The following MYLK3 variants were observed in gnomAD, a reference collection of about 807,000 sequenced individuals.
MYLK3 encodes the protein myosin light chain kinase 3, also known as MLC kinase.
A neutral mutation model predicts 76.3 loss-of-function variants in MYLK3; 55 were observed. That is an observed-to-expected ratio of 0.72 (90% CI 0.58 to 0.90). MYLK3 has a LOEUF of 0.90. Among genes scored for constraint, MYLK3 ranks in the 40% least tolerant of loss-of-function variants. The pLI is 0.00. For missense variants in MYLK3, 973 were observed against 1,053.6 expected, an observed-to-expected ratio of 0.92 and a Z score of 1.06; for synonymous variants, 416 against 425.4, an observed-to-expected ratio of 0.98 and a Z score of 0.27.
intron 9 of MYLK3, among the ~76,000 whole-genome samples, chr16:46,713,600 C>T (rs1966707276): frequency 1.3e-5 from 2 of 152,194 alleles, no homozygotes; most frequent in South Asian, 2.1e-4. Flanking sequence ...GGTGAGAACA[C>T]TTAAAATCTA....
At chr16:46,756,634 T>C (rs780419145) in intron 1 of MYLK3, among the ~76,000 whole-genome samples, 13 of 152,202 alleles carry the variant, frequency 8.5e-5, no homozygotes, top group Non-Finnish European at 1.6e-4. Context: ...AAATCATATA[T>C]GATGACGATT....
Position 46,732,320 on chromosome 16 carries a change from G to A in MYLK3, c.1350C>T (p.Ser450=). Residue 450 remains serine (S), a synonymous_variant, in exon 4 of 13, where the codon AGC becomes AGT. Coordinates refer to ENST00000394809, the MANE Select transcript of MYLK3 (RefSeq NM_182493.3). ...CAGGCTCAGGGTTTCCCGCCCCTGGGCTTTTGCCCTGCTGCAGGCCCAGGG... is the reference window on the plus strand; with the variant it reads ...CAGGCTCAGGGTTTCCCGCCCCTGGACTTTTGCCCTGCTGCAGGCCCAGGG... ...VGALGLQQGK[S]PGAGNPEPEQ... 1 of 1,612,164 alleles carries A rather than the reference G, an allele frequency of 6.2e-7. No homozygotes were observed. The highest frequency in any genetic ancestry group is 8.5e-7 in the Non-Finnish European group (1 of 1,180,024).
chr16:46,753,454 C>T (rs1318686074), intron 1 of MYLK3, among the ~76,000 whole-genome samples: 1 of 152,218 alleles, frequency 6.6e-6, no homozygotes, highest in Non-Finnish European at 1.5e-5. Flanking sequence ...AAGCCTCAAC[C>T]ACCCACCCAG....
At chr16:46,707,825 G>T in intron 12 of MYLK3, 62 bp from the exon 13 acceptor site, 1 of 1,270,678 alleles carries the variant, frequency 7.9e-7, no homozygotes. Context: ...GTTGCCTTAT[G>T]AAGAAACAAT....
At chr16:46,713,953 C>T (rs936562167) in intron 9 of MYLK3, among the ~76,000 whole-genome samples, 1 of 152,178 alleles carries the variant, frequency 6.6e-6, no homozygotes, top group Admixed American at 6.5e-5. Flanking sequence ...CATATATACA[C>T]CCCAGATTTT....
At chr16:46,747,158 A>G (rs1429259598) in intron 1 of MYLK3, among the ~76,000 whole-genome samples, 1 of 152,148 alleles carries the variant, frequency 6.6e-6, no homozygotes, top group Non-Finnish European at 1.5e-5. Context: ...AACTCTTAGG[A>G]ACAGCCGCTC....
At chr16:46,713,987 G>A (rs1966711221) in intron 9 of MYLK3, among the ~76,000 whole-genome samples, 1 of 151,982 alleles carries the variant, frequency 6.6e-6, no homozygotes. Flanking sequence ...GACACTAGGT[G>A]GTAACTTTTA....
chr16:46,711,662 C>T, intron 10 of MYLK3: 1 of 441,564 alleles, frequency 2.3e-6, no homozygotes. Flanking sequence ...AGGCATGATC[C>T]AGCTCCATTT....
intron 3 of MYLK3, among the ~76,000 whole-genome samples, chr16:46,734,080 G>A (rs1429452747): frequency 6.6e-6 from 1 of 152,160 alleles, no homozygotes; most frequent in Non-Finnish European, 1.5e-5. Context: ...AGAATCCAAA[G>A]CAGGGTCTCC....
chr16:46,762,478 G>A (rs909218204), intron 1 of MYLK3, among the ~76,000 whole-genome samples: 5 of 152,122 alleles, frequency 3.3e-5, no homozygotes, highest in African/African-American at 7.2e-5. Flanking sequence ...ATAGACTCCC[G>A]CAGGACCCCA....
chr16:46,738,057 C>A lies in MYLK3; in HGVS notation c.655G>T (p.Ala219Ser), dbSNP rs1274237540. 1 of 1,608,116 alleles carries A rather than the reference C, an allele frequency of 6.2e-7. No homozygotes were observed. The highest frequency in any genetic ancestry group is 1.1e-5 in the South Asian group (1 of 90,726). The change falls in exon 3 of 13, where the codon GCA becomes TCA. Residue 219 changes from alanine to serine, a missense_variant. Ala to Ser is a moderately conservative substitution (Grantham distance 99). Coordinates refer to ENST00000394809, the MANE Select transcript of MYLK3 (RefSeq NM_182493.3). ...TCTCCCTGGCCCGGTGAGACCACTG[C>A]CTGGGCGGGGTCAGCTCCCAGCCCT... Reference protein sequence around the residue: ...ASGLGADPAQAVVSPGQGDGV... With the variant: ...ASGLGADPAQSVVSPGQGDGV...
intron 1 of MYLK3, among the ~76,000 whole-genome samples, chr16:46,745,302 C>A (rs969244041): frequency 6.6e-6 from 1 of 152,224 alleles, no homozygotes; most frequent in African/African-American, 2.4e-5. Context: ...AAACGAGGAT[C>A]TGGGCTGGTT....
intron 10 of MYLK3, among the ~76,000 whole-genome samples, 165 bp downstream of exon 10, chr16:46,712,483 C>T (rs1302237756): frequency 6.6e-6 from 1 of 152,184 alleles, no homozygotes; most frequent in Non-Finnish European, 1.5e-5. Context: ...ATACCCTTCC[C>T]TGGCTCCTTT....
chr16:46,716,658 T>C (rs529919841), intron 9 of MYLK3, among the ~76,000 whole-genome samples: 17 of 152,132 alleles, frequency 1.1e-4, no homozygotes, highest in Non-Finnish European at 1.9e-4. Context: ...AAGGCAGGAC[T>C]CTACTCTGAC....
rs574651143 is a variant in MYLK3 at position 46,757,055 on chromosome 16, C to T, written c.-114+5985G>A. 7.9e-5 allele frequency among the ~76,000 whole-genome samples: 12 copies of T among 152,214 alleles called. No homozygotes were observed. The East Asian group carries it at 1.7e-3, about 22-fold the overall frequency. ...TCCCAGCCCAGGCCACCTCCCCGCC[C>T]GCACCACACCATTGCTGGAATGCAC... On this transcript the variant is annotated intron_variant, in intron 1 of 11. Transcript: ENST00000536476.
At chr16:46,748,388 T>G (rs1967068185), upstream of MYLK3, 1 of 1,047,116 alleles carries the variant, frequency 9.6e-7, no homozygotes, top group Non-Finnish European at 1.3e-6. The surrounding 1 kb of genome is among the most constrained non-coding windows in gnomAD (Gnocchi z 4.3). Flanking sequence ...TTTGCTTTGC[T>G]TATCTCCCAC....
intron 3 of MYLK3, among the ~76,000 whole-genome samples, chr16:46,735,140 C>CA (rs879396850): frequency 6.6e-4 from 88 of 133,000 alleles, no homozygotes; most frequent in South Asian, 1.0e-3. Context: ...GACCCTGTCT[C>CA]AAAAAAAAAA....
rs1326359679 is a variant in MYLK3 at position 46,707,715 on chromosome 16, T to C, written c.2449A>G (p.Thr817Ala). 6 of 1,612,032 alleles carry C rather than the reference T, an allele frequency of 3.7e-6. No homozygotes were observed. The highest frequency in any genetic ancestry group is 1.3e-5 in the African/African-American group (1 of 74,894). Residue 817 changes from threonine (T) to alanine (A), a missense_variant, in exon 13 of 13, where the codon ACT (threonine) becomes GCT (alanine). This residue lies in a region of MYLK3 where 332 missense variants were observed against 416.6 expected (regional missense o/e 0.80). Coordinates refer to ENST00000394809, the MANE Select transcript of MYLK3 (RefSeq NM_182493.3). ...AGCAGAGTTGAAGATTAGGGAGAAG[T>C]TGGAAATTTCCTTAACCTGTTGGCA... is the stretch of plus-strand genomic sequence containing the variant. ...TAANRLRKFP[T>A]SP is the part of the protein sequence containing the mutation.
At chr16:46,719,129 C>A (rs1434920094) in intron 9 of MYLK3, among the ~76,000 whole-genome samples, 1 of 152,054 alleles carries the variant, frequency 6.6e-6, no homozygotes, top group Non-Finnish European at 1.5e-5. Flanking sequence ...GAGATCAAGA[C>A]CATCCTGGCC....
Sources: allele counts gnomAD v4.1 joint callset (sites outside exome capture counted in the v4.1 genomes callset), GRCh38; gene constraint gnomAD v4.1.1; regional missense constraint gnomAD v4.1.1; non-coding constraint Gnocchi (gnomAD v3.1); transcripts MANE v1.5; gene names NCBI Gene and HGNC (gene_info 2026-07-23, HGNC 2026-07-21).